Variants in JMJD1C observed in about 807,000 individuals in gnomAD.
The protein encoded by JMJD1C is jumonji domain containing 1C.
In JMJD1C, 31 loss-of-function variants were observed where a neutral mutation model predicts 245.3. The observed-to-expected ratio is 0.13, with a 90% CI of 0.09 to 0.17. The LOEUF (loss-of-function observed/expected upper bound fraction) is 0.17, where lower values mean the gene tolerates loss of function less well. JMJD1C is among the 10% of genes least tolerant of loss of function. The pLI is 1.00. For missense variants in JMJD1C, 2,691 were observed against 3,000.2 expected, an observed-to-expected ratio of 0.90 and a Z score of 2.41; for synonymous variants, 1,057 against 1,017.4, an observed-to-expected ratio of 1.04 and a Z score of -0.74.
intron 2 of JMJD1C, among the ~76,000 whole-genome samples, chr10:63,292,569 C>T (rs1391236700): frequency 6.6e-6 from 1 of 152,064 alleles, no homozygotes; most frequent in Non-Finnish European, 1.5e-5. Flanking sequence ...CGAGATCACG[C>T]CACTGCACTC....
intron 2 of JMJD1C, among the ~76,000 whole-genome samples, chr10:63,309,429 G>A (rs2134037509): frequency 6.9e-6 from 1 of 145,828 alleles, no homozygotes; most frequent in South Asian, 2.2e-4. Flanking sequence ...GGGGGGCAGA[G>A]GTTGCAGTGA....
At chr10:63,355,105 A>G (rs969306146) in intron 2 of JMJD1C, among the ~76,000 whole-genome samples, 1 of 152,134 alleles carries the variant, frequency 6.6e-6, no homozygotes, top group African/African-American at 2.4e-5. Flanking sequence ...GAAAAAAAAA[A>G]GCAAGTGATT....
chr10:63,401,739 T>C (rs903277147), intron 1 of JMJD1C, among the ~76,000 whole-genome samples: 6 of 152,154 alleles, frequency 3.9e-5, no homozygotes, highest in African/African-American at 1.4e-4. Flanking sequence ...AATTCGTATG[T>C]GGAAACCTAG....
intron 1 of JMJD1C, among the ~76,000 whole-genome samples, chr10:63,497,162 CTTAGT>C (rs1421321759): frequency 3.3e-5 from 5 of 151,666 alleles, no homozygotes; most frequent in African/African-American, 1.2e-4. Context: ...CTTGATTAAT[CTTAGT>C]TTACTTAAAA....
chr10:63,192,966 T>C lies in JMJD1C; in HGVS notation c.6048A>G (p.Ala2016=), dbSNP rs1845020867. The change falls in exon 16 of 26, where the codon GCA becomes GCG. Residue 2016 remains alanine, a synonymous_variant. Transcript: ENST00000399262. ...TTTTTTCCTCTCTGGCTTTTTGCTC[T>C]GCAAGATCTGCTAACCAGTGCAGTG... ...QSPLHWLADL[A]EQKAREEKKE... 1 of 1,614,044 alleles carries C rather than the reference T, an allele frequency of 6.2e-7. No individual in the cohort carries two copies. The highest frequency in any genetic ancestry group is 8.5e-7 in the Non-Finnish European group (1 of 1,180,010).
At chr10:63,194,941 A>G (rs1845269936) in intron 13 of JMJD1C, among the ~76,000 whole-genome samples, 1 of 152,242 alleles carries the variant, frequency 6.6e-6, no homozygotes, top group African/African-American at 2.4e-5. Context: ...ATAAAGAATA[A>G]AAGCATTTGA....
chr10:63,219,914 C>A lies in JMJD1C; in HGVS notation c.517G>T (p.Val173Leu), dbSNP rs577522842. ...PQLHEEVKVW[V>L]KEQKVQEIFM... is the part of the protein sequence containing the mutation. ...ATCTCCTGAACCTTTTGTTCCTTTA[C>A]CCAGACTTTCACTTCCTCATGAAGC... Residue 173 changes from valine to leucine, a missense_variant, in exon 4 of 26, where the codon GTA (valine) becomes TTA (leucine). Physicochemically the swap from Val to Leu is conservative, Grantham distance 32. This residue lies in a region of JMJD1C where 172 missense variants were observed against 240.8 expected (regional missense o/e 0.71). Transcript: ENST00000399262. The A allele has an allele frequency of 3.7e-6, 6 of 1,613,576 alleles. No homozygotes were observed. Among genetic ancestry groups the A allele is most frequent in the Admixed American group, 1.7e-5 (1 of 59,992 alleles).
intron 3 of JMJD1C, among the ~76,000 whole-genome samples, chr10:63,262,000 A>G (rs1483440220): frequency 1.3e-5 from 2 of 152,192 alleles, no homozygotes; most frequent in African/African-American, 4.8e-5. Context: ...CCACCTACTT[A>G]AAAAGTTTAT....
intron 18 of JMJD1C, among the ~76,000 whole-genome samples, chr10:63,187,623 A>G (rs1004071677): frequency 6.6e-6 from 1 of 151,920 alleles, no homozygotes; most frequent in Admixed American, 6.6e-5. Context: ...TTTTGGTAGA[A>G]ACAGGGTCTC....
At chr10:63,422,416 A>C (rs1281427845) in intron 1 of JMJD1C, among the ~76,000 whole-genome samples, 2 of 152,226 alleles carry the variant, frequency 1.3e-5, no homozygotes, top group East Asian at 3.8e-4. Flanking sequence ...TCATTTAAAA[A>C]TAAAAAAAAG....
chr10:63,239,688 C>T (rs946943678), intron 3 of JMJD1C, among the ~76,000 whole-genome samples: 1 of 152,164 alleles, frequency 6.6e-6, no homozygotes, highest in Non-Finnish European at 1.5e-5. Flanking sequence ...TCAGGTGATC[C>T]ACCCACCTTG....
At chr10:63,272,203 T>A (rs1384958329) in intron 2 of JMJD1C, among the ~76,000 whole-genome samples, 2 of 152,164 alleles carry the variant, frequency 1.3e-5, no homozygotes, top group Non-Finnish European at 2.9e-5. Flanking sequence ...GAGTAAAGTA[T>A]GGCTTTATTT....
At chr10:63,513,345 T>C (rs1478735040) in intron 1 of JMJD1C, among the ~76,000 whole-genome samples, 2 of 152,088 alleles carry the variant, frequency 1.3e-5, no homozygotes. Flanking sequence ...GACCTCAAAC[T>C]ATAAGAATCC....
chr10:63,193,602 C>A, intron 14 of JMJD1C, 130 bp from the exon 15 acceptor site: 1 of 559,064 alleles, frequency 1.8e-6, no homozygotes, highest in Non-Finnish European at 3.0e-6. Flanking sequence ...AAATTTCTTC[C>A]ATTTTTCTCC....
chr10:63,272,080 A>C (rs1856378187), intron 2 of JMJD1C, among the ~76,000 whole-genome samples: 1 of 151,966 alleles, frequency 6.6e-6, no homozygotes, highest in Non-Finnish European at 1.5e-5. Context: ...CTCAAAAAAA[A>C]AAAAAAAGAA....
intron 1 of JMJD1C, among the ~76,000 whole-genome samples, chr10:63,495,719 TTGCA>T (rs1250611556): frequency 6.7e-6 from 1 of 148,924 alleles, no homozygotes; most frequent in Non-Finnish European, 1.5e-5. Context: ...GATCGCACCA[TTGCA>T]CTCCAGCCTC....
upstream of JMJD1C, among the ~76,000 whole-genome samples, chr10:63,468,063 C>T (rs114566895): frequency 8.7e-3 from 1,327 of 152,240 alleles, 21 homozygotes; most frequent in African/African-American, 0.03. Flanking sequence ...CCTGGGAACT[C>T]CCACTACATG....
chr10:63,189,556 T>C, intron 17 of JMJD1C, 110 bp from the exon 18 acceptor site: 1 of 849,448 alleles, frequency 1.2e-6, no homozygotes, highest in Non-Finnish European at 1.8e-6. Context: ...CTCCACAATA[T>C]GCACTTCTCT....
chr10:63,329,448 G>T (rs1941892711), intron 2 of JMJD1C, among the ~76,000 whole-genome samples: 1 of 147,028 alleles, frequency 6.8e-6, no homozygotes, highest in African/African-American at 2.5e-5. Flanking sequence ...CAGAAACTTG[G>T]GTGAATAAAC....
Sources: allele counts gnomAD v4.1 joint callset (sites outside exome capture counted in the v4.1 genomes callset), GRCh38; gene constraint gnomAD v4.1.1; regional missense constraint gnomAD v4.1.1; transcripts MANE v1.5; gene names NCBI Gene and HGNC (gene_info 2026-07-23, HGNC 2026-07-21).